The following PTCH1 variants were observed in gnomAD, a reference collection of about 807,000 sequenced individuals.
PTCH1 encodes the protein patched 1, also known as protein patched homolog 1.
PTCH1 carries 14 observed loss-of-function variants against 144.6 expected under a neutral mutation model. That is an observed-to-expected ratio of 0.10 (90% CI 0.06 to 0.15). PTCH1 has a LOEUF of 0.15. Among genes scored for constraint, PTCH1 ranks in the 10% least tolerant of loss-of-function variants. The pLI is 1.00. For synonymous variants in PTCH1, 833 were observed against 793.6 expected (o/e 1.05, Z -0.83); for missense variants, 1,623 against 1,948.3 (o/e 0.83, Z 3.14).
chr9:95,505,409 T>G (rs1273103363), intron 2 of PTCH1, among the ~76,000 whole-genome samples: 1 of 152,142 alleles, frequency 6.6e-6, no homozygotes, highest in African/African-American at 2.4e-5. Flanking sequence ...TAGCAGGATT[T>G]GGAACTTGCC....
At chr9:95,503,272 T>C (rs140544551) in intron 2 of PTCH1, 1 of 152,216 alleles carries the variant, frequency 6.6e-6, no homozygotes, top group African/African-American at 2.4e-5. Context: ...ATGCACAAAA[T>C]GAACTTAAAT....
chr9:95,512,600 A>G (rs1158409025), upstream of PTCH1, among the ~76,000 whole-genome samples: 1 of 152,002 alleles, frequency 6.6e-6, no homozygotes, highest in African/African-American at 2.4e-5. Flanking sequence ...GTTGTTCCTA[A>G]TCAATCTGCC....
In PTCH1 at chr9:95,467,526, C is replaced by A. The variant is rs756458454; in HGVS notation, c.2251-101G>T. 4.0e-4 allele frequency: 472 copies of A among 1,174,684 alleles called. 2 individuals are homozygous for A. Among genetic ancestry groups the A allele is most frequent in the Middle Eastern group, 2.5e-3 (9 of 3,650 alleles). The allele number at this position is 1,174,684 out of a possible 1,614,324, so 72.8% of individuals were successfully genotyped here. ...TTAATACCTTGTTTTCACCACCACACTTAAACTGATTTATCTTGTAGGGGT... is the reference window on the plus strand; with the variant it reads ...TTAATACCTTGTTTTCACCACCACAATTAAACTGATTTATCTTGTAGGGGT... On this transcript the variant is annotated intron_variant, in intron 14 of 23. Coordinates refer to ENST00000331920, the MANE Select transcript of PTCH1 (RefSeq NM_000264.5).
intron 3 of PTCH1, chr9:95,483,573 T>C (rs28488553): frequency 0.24 from 36,598 of 152,224 alleles, 4,674 homozygotes; most frequent in African/African-American, 0.29. Context: ...CACCCCCATG[T>C]TAAGCTTGTT....
intron 2 of PTCH1, among the ~76,000 whole-genome samples, chr9:95,499,823 C>T (rs1479973975): frequency 1.3e-5 from 2 of 152,016 alleles, no homozygotes; most frequent in African/African-American, 4.8e-5. Flanking sequence ...ACTGAACACT[C>T]ATCAGGGGCT....
chr9:95,481,869 A>G (rs1259298385), intron 5 of PTCH1, 80 bp downstream of exon 5: 2 of 1,296,834 alleles, frequency 1.5e-6, no homozygotes, highest in Non-Finnish European at 2.2e-6. Context: ...ACTGAAATGG[A>G]ACAAACAATG....
At chr9:95,467,093 G>T in intron 15 of PTCH1, 23 bp downstream of exon 15, 2 of 1,612,564 alleles carry the variant, frequency 1.2e-6, no homozygotes, top group African/African-American at 1.3e-5. Flanking sequence ...CCGAAAGGAC[G>T]AGAGCCTCCC....
At chr9:95,513,311 A>AG (rs1195748655), upstream of PTCH1, among the ~76,000 whole-genome samples, 1 of 152,220 alleles carries the variant, frequency 6.6e-6, no homozygotes, top group African/African-American at 2.4e-5. Context: ...AAATGAATAA[A>AG]GGGGTTAATG....
chr9:95,458,019 C>T lies in PTCH1; in HGVS notation c.3162G>A (p.Gly1054=), dbSNP rs1588539563. The change falls in exon 18 of 24, where the codon GGG becomes GGA. Residue 1054 remains glycine (G), a synonymous_variant. Coordinates refer to ENST00000331920, the MANE Select transcript of PTCH1 (RefSeq NM_000264.5). The surrounding 1 kb of genome is among the most constrained non-coding windows in gnomAD (Gnocchi z 4.7). ...AVFLLNPWTA[G]IIVMVLALMT... ...CCCCTTATAATACACTCACAATGATCCCGGCCGTCCAGGGGTTCAGAAGGA... is the reference window on the plus strand; with the variant it reads ...CCCCTTATAATACACTCACAATGATTCCGGCCGTCCAGGGGTTCAGAAGGA... 1.9e-6 allele frequency: 3 copies of T among 1,614,102 alleles called. No homozygotes were observed. Among genetic ancestry groups the T allele is most frequent in the Non-Finnish European group, 2.5e-6 (3 of 1,180,042 alleles).
chr9:95,510,891 G>C (rs1336400456), upstream of PTCH1, among the ~76,000 whole-genome samples: 1 of 150,814 alleles, frequency 6.6e-6, no homozygotes, highest in African/African-American at 2.4e-5. Context: ...GCGCCCGCGC[G>C]GCCGGGGCAG....
At chr9:95,506,253 C>G in intron 2 of PTCH1, 154 bp downstream of exon 2, 3 of 910,202 alleles carry the variant, frequency 3.3e-6, no homozygotes, top group Middle Eastern at 3.5e-4. Context: ...GGCCTGGCTC[C>G]CGGCCAGGCG....
chr9:95,470,290 C>T (rs1279754882), intron 12 of PTCH1, among the ~76,000 whole-genome samples: 1 of 152,184 alleles, frequency 6.6e-6, no homozygotes, highest in Non-Finnish European at 1.5e-5. Context: ...AGTTCCCTTC[C>T]AGAATGCTTC....
chr9:95,511,947 T>C (rs1844178391), upstream of PTCH1, among the ~76,000 whole-genome samples: 1 of 152,222 alleles, frequency 6.6e-6, no homozygotes, highest in Non-Finnish European at 1.5e-5. Context: ...TGTTTGTCTT[T>C]TCAAACTTCT....
At chr9:95,481,924 T>G (rs781011040) in intron 5 of PTCH1, 25 bp downstream of exon 5, 1 of 1,569,128 alleles carries the variant, frequency 6.4e-7, no homozygotes, top group Non-Finnish European at 8.8e-7. Context: ...GTCACAGACA[T>G]CAGAAAGCAT....
At chr9:95,516,788 A>G (rs755979473) in exon 1 of PTCH1, 4 of 1,612,280 alleles carry the variant, frequency 2.5e-6, no homozygotes, top group Non-Finnish European at 2.5e-6. Context: ...GCGGACTCAC[A>G]ATTACAAGCC....
Position 95,447,350 on chromosome 9 carries a change from G to A in PTCH1, c.3906C>T (p.Pro1302=), listed in dbSNP as rs2136582395. The A allele has an allele frequency of 6.2e-7, 1 of 1,613,534 alleles. No homozygotes were observed. Among genetic ancestry groups the A allele is most frequent in the Non-Finnish European group, 8.5e-7 (1 of 1,179,940 alleles). Residue 1302 remains proline, a synonymous_variant, in exon 23 of 24, where the codon CCC becomes CCT. Coordinates refer to ENST00000331920, the MANE Select transcript of PTCH1 (RefSeq NM_000264.5). ...SLPPGRQGQQ[P]RRDPPREGLW... ...AGCCTTCTCTGGGGGGGTCCCTGCG[G>A]GGCTGCTGGCCTTGCCGTCCGGGAG...
chr9:95,511,478 T>C (rs1289245956), upstream of PTCH1, among the ~76,000 whole-genome samples: 1 of 151,052 alleles, frequency 6.6e-6, no homozygotes, highest in Non-Finnish European at 1.5e-5. Flanking sequence ...GGGGTGGAGG[T>C]GTTTGGGGGC....
rs28698995 is a variant in PTCH1 at position 95,462,205 on chromosome 9, G to C, written c.2561-207C>G. On this transcript the variant is annotated intron_variant, in intron 15 of 23. Coordinates refer to ENST00000331920, the MANE Select transcript of PTCH1 (RefSeq NM_000264.5). ...GCTGCTGCCAGCCACTGCTCAAAAG[G>C]GGGGAAGGAGATTATCTGTTTCTAT... 0.031 allele frequency among the ~76,000 whole-genome samples: 4,715 copies of C among 152,182 alleles called. 238 individuals are homozygous for C. The highest frequency in any genetic ancestry group is 0.11 in the African/African-American group (4,451 of 41,496).
chr9:95,450,612 T>C (rs1838369867), intron 20 of PTCH1: 1 of 154,266 alleles, frequency 6.5e-6, no homozygotes, highest in South Asian at 2.0e-4. Context: ...GCAAAGAAAA[T>C]GCTGCCCATT....
Sources: gnomAD v4.1 joint callset for allele counts (sites outside exome capture counted in the v4.1 genomes callset) on GRCh38, gnomAD v4.1.1 for gene constraint, Gnocchi (gnomAD v3.1) non-coding constraint, MANE v1.5 for transcripts, NCBI Gene and HGNC (gene_info 2026-07-23, HGNC 2026-07-21) for gene names.